KCNH1: variants seen among roughly 807,000 people sequenced by gnomAD.
KCNH1 encodes potassium voltage-gated channel subfamily H member 1, also known as voltage-gated delayed rectifier potassium channel KCNH1.
In KCNH1, 27 loss-of-function variants were observed where a neutral mutation model predicts 69.2. That is an observed-to-expected ratio of 0.39 (90% CI 0.29 to 0.54). The LOEUF (loss-of-function observed/expected upper bound fraction) is 0.54, where lower values mean the gene tolerates loss of function less well. KCNH1 is among the 20% of genes least tolerant of loss of function. The pLI, the probability that KCNH1 is intolerant of heterozygous loss-of-function variation, is 0.68. For missense variants in KCNH1, 798 were observed against 1,261.6 expected, an observed-to-expected ratio of 0.63 and a Z score of 5.57; for synonymous variants, 456 against 487.7, an observed-to-expected ratio of 0.93 and a Z score of 0.86.
intron 6 of KCNH1, among the ~76,000 whole-genome samples, chr1:210,962,669 G>C (rs1688315822): frequency 6.6e-6 from 1 of 151,580 alleles, no homozygotes; most frequent in Non-Finnish European, 1.5e-5. Flanking sequence ...TGGAGATCTG[G>C]GTTGTTTCCA....
At chr1:211,115,701 C>CTATATATATATATA (rs201384583) in intron 1 of KCNH1, among the ~76,000 whole-genome samples, 3,574 of 67,866 alleles carry the variant, frequency 0.053, 352 homozygotes, top group Non-Finnish European at 0.077. Context: ...ATAAACTCCC[C>CTATATATATATATA]TATATATATA....
At chr1:211,010,982 C>CT (rs953911577) in intron 6 of KCNH1, among the ~76,000 whole-genome samples, 60 of 151,344 alleles carry the variant, frequency 4.0e-4, no homozygotes, top group Non-Finnish European at 5.8e-4. Flanking sequence ...GTGCTAAACT[C>CT]TTTTTTTTTA....
intron 8 of KCNH1, among the ~76,000 whole-genome samples, chr1:210,799,171 G>A (rs1396147203): frequency 6.6e-6 from 1 of 152,062 alleles, no homozygotes; most frequent in East Asian, 1.9e-4. Flanking sequence ...ATTTTAAACT[G>A]TTACATGCAT....
intron 7 of KCNH1, chr1:210,858,201 G>A (rs1338119899): frequency 2.6e-5 from 4 of 152,120 alleles, no homozygotes; most frequent in African/African-American, 9.7e-5. Flanking sequence ...TTTCACAGTA[G>A]AACTTCATAT....
At chr1:210,769,471 C>A (rs1683708666) in intron 10 of KCNH1, among the ~76,000 whole-genome samples, 1 of 152,160 alleles carries the variant, frequency 6.6e-6, no homozygotes, top group Non-Finnish European at 1.5e-5. Flanking sequence ...CCAGCTCCCT[C>A]CCAAACTCAC....
At chr1:210,726,833 C>T (rs978263970) in intron 10 of KCNH1, among the ~76,000 whole-genome samples, 14 of 152,104 alleles carry the variant, frequency 9.2e-5, no homozygotes, top group African/African-American at 3.4e-4. Context: ...GACTACTCTC[C>T]TCTATTCATT....
chr1:210,908,509 G>C (rs994244669), intron 7 of KCNH1, among the ~76,000 whole-genome samples: 3 of 152,122 alleles, frequency 2.0e-5, no homozygotes, highest in African/African-American at 7.2e-5. Context: ...CCGCCTCTCT[G>C]CTTGCAAGAC....
intron 6 of KCNH1, among the ~76,000 whole-genome samples, chr1:210,978,981 A>G (rs756538615): frequency 8.5e-5 from 13 of 152,204 alleles, no homozygotes; most frequent in Non-Finnish European, 1.3e-4. Flanking sequence ...AGCTCTCTAC[A>G]GTCTTTACTG....
intron 10 of KCNH1, among the ~76,000 whole-genome samples, chr1:210,753,273 CA>C (rs1683321281): frequency 6.6e-6 from 1 of 152,138 alleles, no homozygotes; most frequent in African/African-American, 2.4e-5. Context: ...AAGTAGCCAC[CA>C]ATATGATGGT....
At chr1:211,101,002 T>C (rs112996738) in intron 3 of KCNH1, among the ~76,000 whole-genome samples, 46 of 152,380 alleles carry the variant, frequency 3.0e-4, no homozygotes, top group African/African-American at 1.1e-3. Context: ...CCTTTTCATA[T>C]GCATTCAGCC....
chr1:210,963,633 T>A (rs951431644), intron 6 of KCNH1, among the ~76,000 whole-genome samples: 1 of 151,632 alleles, frequency 6.6e-6, no homozygotes, highest in African/African-American at 2.4e-5. Context: ...GCGCAAGAAC[T>A]TCATGAAGCA....
At chr1:210,708,052 C>G (rs1681957746) in intron 10 of KCNH1, among the ~76,000 whole-genome samples, 1 of 152,194 alleles carries the variant, frequency 6.6e-6, no homozygotes, top group Non-Finnish European at 1.5e-5. Flanking sequence ...AAACACAGCT[C>G]ATCACATGGA....
intron 10 of KCNH1, among the ~76,000 whole-genome samples, chr1:210,696,230 G>C (rs755350124): frequency 4.6e-5 from 7 of 152,160 alleles, no homozygotes; most frequent in African/African-American, 7.2e-5. Flanking sequence ...CCTTCTCAGA[G>C]GGCTGCATGG....
At chr1:210,957,308 T>G (rs1303921225) in intron 6 of KCNH1, among the ~76,000 whole-genome samples, 1 of 152,186 alleles carries the variant, frequency 6.6e-6, no homozygotes, top group Non-Finnish European at 1.5e-5. Flanking sequence ...TTCTTCTACA[T>G]TTGCTGAGGA....
At chr1:210,704,097 C>T (rs1681845667) in intron 10 of KCNH1, among the ~76,000 whole-genome samples, 1 of 152,098 alleles carries the variant, frequency 6.6e-6, no homozygotes, top group South Asian at 2.1e-4. Context: ...GAGCAGACAT[C>T]ACAATTCAAT....
At chr1:210,935,153 C>T (rs1475125839) in intron 6 of KCNH1, among the ~76,000 whole-genome samples, 1 of 138,084 alleles carries the variant, frequency 7.2e-6, no homozygotes, top group African/African-American at 2.7e-5. Context: ...CACACACACA[C>T]ACACACACAC....
intron 1 of KCNH1, among the ~76,000 whole-genome samples, chr1:211,125,244 A>C (rs903288884): frequency 6.6e-6 from 1 of 152,186 alleles, no homozygotes; most frequent in Non-Finnish European, 1.5e-5. Flanking sequence ...GGGAGCCTAC[A>C]GGTGTACTCT....
At chr1:211,094,754 A>C (rs1023921210) in intron 3 of KCNH1, among the ~76,000 whole-genome samples, 2 of 152,212 alleles carry the variant, frequency 1.3e-5, no homozygotes, top group Non-Finnish European at 1.5e-5. Context: ...AACTATCACT[A>C]CCCAAACAGT....
chr1:210,966,795 G>A (rs1198147297), intron 6 of KCNH1, among the ~76,000 whole-genome samples: 6 of 152,316 alleles, frequency 3.9e-5, no homozygotes, highest in Admixed American at 6.5e-5. Context: ...AACCATTGTG[G>A]AAGACAGTGT....
Sources: gnomAD v4.1 joint callset for allele counts (sites outside exome capture counted in the v4.1 genomes callset) on GRCh38, gnomAD v4.1.1 for gene constraint, MANE v1.5 for transcripts, NCBI Gene and HGNC (gene_info 2026-07-23, HGNC 2026-07-21) for gene names.